Variants in CR1 observed in about 807,000 individuals in gnomAD.
CR1 encodes the protein complement C3b/C4b receptor 1 (Knops blood group).
Under a neutral mutation model 187.3 loss-of-function variants are expected in CR1, and 116 were observed. That is an observed-to-expected ratio of 0.62 (90% CI 0.53 to 0.72). The LOEUF (loss-of-function observed/expected upper bound fraction) is 0.72, where lower values mean the gene tolerates loss of function less well. Ranked by LOEUF, CR1 falls within the 30% of genes least tolerant of loss-of-function variation. The pLI, the probability that CR1 is intolerant of heterozygous loss-of-function variation, is 0.00. For synonymous variants in CR1, 576 were observed against 747.1 expected, an observed-to-expected ratio of 0.77 and a Z score of 3.73; for missense variants, 1,731 against 2,110.7, an observed-to-expected ratio of 0.82 and a Z score of 3.52.
intron 37 of CR1, among the ~76,000 whole-genome samples, chr1:207,610,451 G>A (rs1051551936): frequency 3.3e-5 from 5 of 152,144 alleles, no homozygotes; most frequent in Admixed American, 6.5e-5. Flanking sequence ...CTCTGCCTCA[G>A]TCTCACAGGT....
rs767103633 is a variant in CR1, at chr1:207,609,663, G to C, written c.6270G>C (p.Gly2090=). 1.5e-5 allele frequency: 24 copies of C among 1,590,744 alleles called. 1 individual carries two copies. Among genetic ancestry groups the C allele is most frequent in the Non-Finnish European group, 2.0e-5 (23 of 1,168,934 alleles). ...TVQCQTNGRW[G]PKLPHCSRVC... is the part of the protein sequence containing the mutation. ...AGTGCCAGACCAATGGCAGATGGGGGCCCAAGCTGCCACACTGCTCCAGGG... is the reference window on the plus strand; with the variant it reads ...AGTGCCAGACCAATGGCAGATGGGGCCCCAAGCTGCCACACTGCTCCAGGG... Residue 2090 remains glycine, a synonymous_variant, in exon 37 of 47, where the codon GGG becomes GGC. Transcript: ENST00000367049.
chr1:207,616,748 G>A lies in CR1; in HGVS notation c.6835G>A (p.Gly2279Arg). Reference sequence around the variant, plus strand: ...CATCCGCTGCACAAGTGACCCTCAAGGGAATGGGGTTTGGAGCAGCCCTGC... The same window carrying A: ...CATCCGCTGCACAAGTGACCCTCAAAGGAATGGGGTTTGGAGCAGCCCTGC... Reference protein sequence around the residue: ...SSIRCTSDPQGNGVWSSPAPR... With the variant: ...SSIRCTSDPQRNGVWSSPAPR... The change falls in exon 41 of 47, where the codon GGG (glycine) becomes AGG (arginine). Residue 2279 changes from glycine (G) to arginine (R), a missense_variant. Physicochemically the swap from Gly to Arg is moderately radical, Grantham distance 125. Around this residue, in one of 5 missense-constraint regions of CR1, gnomAD observed 1,312 missense variants for 1,379.6 expected, o/e 0.95. Coordinates refer to ENST00000367049, the MANE Select transcript of CR1 (RefSeq NM_000651.6). 6.2e-7 allele frequency: 1 copy of A among 1,613,956 alleles called. No individual in the cohort carries two copies. The highest frequency in any genetic ancestry group is 8.5e-7 in the Non-Finnish European group (1 of 1,179,878).
intron 41 of CR1, among the ~76,000 whole-genome samples, chr1:207,617,612 T>G (rs12402500): frequency 3.3e-3 from 72 of 22,090 alleles, no homozygotes; most frequent in Non-Finnish European, 4.6e-3. Context: ...TATATATATA[T>G]AGAGAGAGAG....
Position 207,496,408 on chromosome 1 carries a change from G to C in CR1, c.121+20G>C. The C allele has an allele frequency of 6.3e-7, 1 of 1,595,336 alleles. No homozygotes were observed. Among genetic ancestry groups the C allele is most frequent in the Non-Finnish European group, 8.5e-7 (1 of 1,171,958 alleles). On this transcript the variant is annotated intron_variant, in intron 1 of 46. Transcript: ENST00000367049. ...CCTGGGGTGAGAGGCGGGCGGGCGT[G>C]GGGAGGCGCCCGGGCGGACGAGGAA...
intron 41 of CR1, among the ~76,000 whole-genome samples, chr1:207,617,237 A>G (rs56307771): frequency 0.021 from 3,229 of 151,952 alleles, 64 homozygotes; most frequent in Non-Finnish European, 0.029. Context: ...TAACGCTATA[A>G]AAGTAATTTG....
chr1:207,577,699 G>A, intron 28 of CR1, 106 bp from the exon 29 acceptor site: 1 of 1,528,364 alleles, frequency 6.5e-7, no homozygotes, highest in Non-Finnish European at 8.9e-7. Context: ...GACCTGGGAA[G>A]TAGAGGTTGC....
At position 207,609,458 on chromosome 1, in the gene CR1, A is replaced by C; in HGVS notation, c.6065A>C (p.Asp2022Ala). ...GERSIYCTSKDDQVGVWSSPP... is the reference protein window; with the variant it reads ...GERSIYCTSKADQVGVWSSPP... ...CGGTCAATATATTGCACCAGCAAAG[A>C]TGATCAAGTTGGTGTTTGGAGCAGC... Residue 2022 changes from aspartate (D) to alanine (A), a missense_variant, in exon 37 of 47, where the codon GAT becomes GCT. This residue lies in a region of CR1 where 1,312 missense variants were observed against 1,379.6 expected (regional missense o/e 0.95). Coordinates refer to ENST00000367049, the MANE Select transcript of CR1 (RefSeq NM_000651.6). 1 of 1,614,032 alleles carries C rather than the reference A, an allele frequency of 6.2e-7. No individual in the cohort carries two copies. Among genetic ancestry groups the C allele is most frequent in the Non-Finnish European group, 8.5e-7 (1 of 1,179,896 alleles).
In CR1 at chr1:207,511,593, T is replaced by G. The variant is rs1388710973; in HGVS notation, c.426T>G (p.Ser142=). The G allele has an allele frequency of 3.1e-6, 5 of 1,613,452 alleles. No homozygotes were observed. The highest frequency in any genetic ancestry group is 4.2e-6 in the Non-Finnish European group (5 of 1,179,528). ...GATACCGACTCATTGGTTCCTCGTC[T>G]GCCACATGCATCATCTCAGGTGATA... The part of the protein sequence containing the change: ...TKGYRLIGSS[S]ATCIISGDTV... Residue 142 remains serine (S), a synonymous_variant, in exon 4 of 47, where the codon TCT becomes TCG. Coordinates refer to ENST00000367049, the MANE Select transcript of CR1 (RefSeq NM_000651.6).
At chr1:207,573,312 G>A (rs984732130) in intron 27 of CR1, among the ~76,000 whole-genome samples, 12 of 152,186 alleles carry the variant, frequency 7.9e-5, no homozygotes, top group African/African-American at 2.7e-4. Context: ...CAGCACACTT[G>A]CCAGCATAGG....
intron 45 of CR1, among the ~76,000 whole-genome samples, chr1:207,625,441 TA>T (rs1406430701): frequency 6.6e-6 from 1 of 152,276 alleles, no homozygotes; most frequent in Non-Finnish European, 1.5e-5. Context: ...GGAAAGTTTT[TA>T]AACATTTTCT....
chr1:207,595,030 C>T (rs1026812580), intron 35 of CR1, among the ~76,000 whole-genome samples: 1 of 150,880 alleles, frequency 6.6e-6, no homozygotes, highest in African/African-American at 2.4e-5. Flanking sequence ...CTATATGAGG[C>T]ATTTATAAGA....
chr1:207,580,654 C>G (rs761200433), intron 31 of CR1, 41 bp downstream of exon 31: 1 of 1,537,466 alleles, frequency 6.5e-7, no homozygotes, highest in Non-Finnish European at 9.0e-7. Context: ...CTCAGCACTG[C>G]AGAGTGACTC....
At chr1:207,580,647 A>T in intron 31 of CR1, 34 bp downstream of exon 31, 1 of 1,546,996 alleles carries the variant, frequency 6.5e-7, no homozygotes, top group Non-Finnish European at 8.9e-7. Context: ...TCAGGGACTC[A>T]GCACTGCAGA....
intron 45 of CR1, among the ~76,000 whole-genome samples, chr1:207,623,949 C>T (rs1324391412): frequency 9.6e-6 from 1 of 104,396 alleles, no homozygotes; most frequent in East Asian, 3.7e-4. Flanking sequence ...TTTTTAAGAC[C>T]GAGTCTTGCT....
chr1:207,624,895 A>C (rs1199146882), intron 45 of CR1, among the ~76,000 whole-genome samples: 1 of 152,174 alleles, frequency 6.6e-6, no homozygotes, highest in East Asian at 1.9e-4. Flanking sequence ...ATCAGTCTCT[A>C]GTTAAAACCA....
chr1:207,593,818 A>G (rs920610675), intron 35 of CR1, among the ~76,000 whole-genome samples: 1 of 152,270 alleles, frequency 6.6e-6, no homozygotes, highest in Non-Finnish European at 1.5e-5. Context: ...ATTTCTCAAA[A>G]GAAGACATTT....
Position 207,639,721 on chromosome 1 carries a change from G to T in CR1, c.*312G>T. On this transcript the variant is annotated 3_prime_UTR_variant, in exon 47 of 47. Transcript: ENST00000367049. The stretch of plus-strand genomic sequence containing the variant: ...ACTTAAAGGAATAAGGTGTTGCCTG[G>T]AATTTCTGGTTTGTAAGGTGGTCAC... The T allele has an allele frequency of 4.1e-6, 1 of 242,876 alleles. No individual in the cohort carries two copies. The highest frequency in any genetic ancestry group is 1.6e-4 in the South Asian group (1 of 6,426). 15.0% of individuals were successfully genotyped at this position (242,876 alleles called of 1,614,324 possible).
chr1:207,611,577 A>C, intron 37 of CR1, 100 bp from the exon 38 acceptor site: 1 of 1,515,864 alleles, frequency 6.6e-7, no homozygotes, highest in Non-Finnish European at 8.9e-7. Flanking sequence ...TAATAGCTGC[A>C]CTCTGCAATG....
Position 207,609,360 on chromosome 1 carries a change from C to A in CR1, c.5967C>A (p.His1989Gln). ...DFYSNNRTSFHNGTVVTYQCH... is the reference protein window; with the variant it reads ...DFYSNNRTSFQNGTVVTYQCH... ...ACAGCAACAATAGAACATCTTTTCA[C>A]AATGGAACGGTGGTAACTTACCAGT... is the stretch of plus-strand genomic sequence containing the variant. The change falls in exon 37 of 47, where the codon CAC becomes CAA. Residue 1989 changes from histidine to glutamine, a missense_variant. This residue lies in a region of CR1 where 1,312 missense variants were observed against 1,379.6 expected (regional missense o/e 0.95). Coordinates refer to ENST00000367049, the MANE Select transcript of CR1 (RefSeq NM_000651.6). The A allele has an allele frequency of 6.2e-7, 1 of 1,613,946 alleles. No individual in the cohort carries two copies. The highest frequency in any genetic ancestry group is 8.5e-7 in the Non-Finnish European group (1 of 1,179,862).
Sources: allele counts gnomAD v4.1 joint callset (sites outside exome capture counted in the v4.1 genomes callset), GRCh38; gene constraint gnomAD v4.1.1; regional missense constraint gnomAD v4.1.1; transcripts MANE v1.5; gene names NCBI Gene and HGNC (gene_info 2026-07-23, HGNC 2026-07-21).